The following ITGB6 variants were observed in gnomAD, a reference collection of about 807,000 sequenced individuals.
ITGB6 encodes the protein integrin beta-6.
A neutral mutation model predicts 84.5 loss-of-function variants in ITGB6; 80 were observed. That is an observed-to-expected ratio of 0.95 (90% confidence interval 0.79 to 1.14). The LOEUF is 1.14. Among genes scored for constraint, ITGB6 ranks in the 50% most tolerant of loss-of-function variants. The pLI, the probability that ITGB6 is intolerant of heterozygous loss-of-function variation, is 0.00. For missense variants in ITGB6, 1,006 were observed against 968.0 expected, an observed-to-expected ratio of 1.04 and a Z score of -0.52; for synonymous variants, 383 against 354.9, an observed-to-expected ratio of 1.08 and a Z score of -0.89.
chr2:160,107,620 A>G lies in ITGB6; in HGVS notation c.2268+59T>C, dbSNP rs557490065. The G allele has an allele frequency of 5.3e-6, 8 of 1,514,998 alleles. No homozygotes were observed. The African/African-American group carries it at 8.2e-5, about 16-fold the overall frequency. 93.8% of individuals were successfully genotyped at this position (1,514,998 alleles called of 1,614,324 possible). On this transcript the variant is annotated intron_variant, in intron 14 of 14. Coordinates refer to ENST00000283249, the MANE Select transcript of ITGB6 (RefSeq NM_000888.5). ...GAGCAGAAGAAAGCTGAGCCCCTCA[A>G]TCTCTTCCACCAGCCTCTTTCTCCC...
chr2:160,116,687 C>A lies in ITGB6; in HGVS notation c.1982-4488G>T, dbSNP rs1682786341. 2.0e-5 allele frequency among the ~76,000 whole-genome samples: 3 copies of A among 152,294 alleles called. No homozygotes were observed. In the South Asian group the frequency reaches 6.2e-4, roughly 32 times the overall value. ...AATATTAACTTTAAATGTAAATGGG[C>A]TAAATGCTCCAATTAAAAGACACAG... is the stretch of plus-strand genomic sequence containing the variant. On this transcript the variant is annotated intron_variant, in intron 12 of 14. Coordinates refer to ENST00000283249, the MANE Select transcript of ITGB6 (RefSeq NM_000888.5).
rs1286063802 is a variant in ITGB6, at chr2:160,169,282, A to C, written c.947T>G (p.Ile316Ser). The C allele has an allele frequency of 6.3e-7, 1 of 1,599,420 alleles. No individual in the cohort carries two copies. The highest frequency in any genetic ancestry group is 1.7e-5 in the Admixed American group (1 of 58,214). ...VLEYPTIGQLIDKLVQNNVLL... is the reference protein window; with the variant it reads ...VLEYPTIGQLSDKLVQNNVLL... ...CACGTTGTTTTGTACCAGTTTATCA[A>C]TGAGTTGTCCAATTGTTGGATATTC... Residue 316 changes from isoleucine to serine, a missense_variant, in exon 7 of 15, where the codon ATT becomes AGT. Transcript: ENST00000283249.
At chr2:160,102,086 A>C (rs1404999038) in intron 14 of ITGB6, among the ~76,000 whole-genome samples, 2 of 152,292 alleles carry the variant, frequency 1.3e-5, no homozygotes, top group East Asian at 3.9e-4. Flanking sequence ...AAATTTACGG[A>C]TAGAAAACAA....
intron 7 of ITGB6, among the ~76,000 whole-genome samples, chr2:160,153,636 T>A (rs1388190593): frequency 6.6e-6 from 1 of 151,932 alleles, no homozygotes; most frequent in Non-Finnish European, 1.5e-5. Context: ...GAAACTACCA[T>A]CAGAGTGAAC....
chr2:160,107,563 G>T, intron 14 of ITGB6, 116 bp downstream of exon 14: 3 of 909,494 alleles, frequency 3.3e-6, no homozygotes, highest in South Asian at 1.6e-5. Flanking sequence ...TGGCGAGAGT[G>T]GGAGAGAAAA....
rs769828561 is a variant in ITGB6, at chr2:160,101,724, C to G, written c.*12G>C. 1 of 1,377,534 alleles carries G rather than the reference C, an allele frequency of 7.3e-7. No homozygotes were observed. The highest frequency in any genetic ancestry group is 1.2e-5 in the South Asian group (1 of 84,474). The allele number at this position is 1,377,534 out of a possible 1,614,324, so 85.3% of individuals were successfully genotyped here. ...ATCAGTGAAACAGACTTTTTTCATG[C>G]ATAAAGTAGTTCTAGCAATCTGTGG... On this transcript the variant is annotated 3_prime_UTR_variant, in exon 15 of 15. Coordinates refer to ENST00000283249, the MANE Select transcript of ITGB6 (RefSeq NM_000888.5).
At chr2:160,116,965 T>C (rs1207610694) in intron 12 of ITGB6, among the ~76,000 whole-genome samples, 2 of 151,746 alleles carry the variant, frequency 1.3e-5, no homozygotes, top group Non-Finnish European at 2.9e-5. Context: ...AAGAGCTAAC[T>C]ATCCTAAATA....
intron 10 of ITGB6, among the ~76,000 whole-genome samples, chr2:160,127,483 C>A (rs1485008405): frequency 2.0e-5 from 3 of 152,210 alleles, no homozygotes; most frequent in Non-Finnish European, 2.9e-5. Context: ...AGTTGTCACA[C>A]CTTTCTGAAC....
At chr2:160,199,494 T>C (rs552932135) in intron 1 of ITGB6, among the ~76,000 whole-genome samples, 5 of 152,350 alleles carry the variant, frequency 3.3e-5, no homozygotes, top group Admixed American at 6.5e-5. Flanking sequence ...AAAATTATCA[T>C]GCTCTTTTTT....
At position 160,107,777 on chromosome 2, in the gene ITGB6, C is replaced by A. The variant is rs146397669; in HGVS notation, c.2170G>T (p.Val724Phe). 1.2e-6 allele frequency: 2 copies of A among 1,613,836 alleles called. No individual in the cohort carries two copies. The highest frequency in any genetic ancestry group is 8.5e-7 in the Non-Finnish European group (1 of 1,179,884). Residue 724 changes from valine to phenylalanine, a missense_variant, in exon 14 of 15, where the codon GTT becomes TTT. Physicochemically the swap from Val to Phe is conservative, Grantham distance 50. Transcript: ENST00000283249. ...AGCTTCCAGATGCACAGTAGGACAA[C>A]CCCGATGAGAAGAATAGCCAGGGAA... ...GVSLAILLIG[V>F]VLLCIWKLLV...
rs1193598914 is a variant in ITGB6 at position 160,169,266 on chromosome 2, T to C, written c.963A>G (p.Gln321=). 1.6e-5 allele frequency: 26 copies of C among 1,603,570 alleles called. No homozygotes were observed. The highest frequency in any genetic ancestry group is 2.1e-5 in the Non-Finnish European group (25 of 1,175,954). The change falls in exon 7 of 15, where the codon CAA becomes CAG. Residue 321 remains glutamine (Q), a synonymous_variant. Coordinates refer to ENST00000283249, the MANE Select transcript of ITGB6 (RefSeq NM_000888.5). The part of the protein sequence containing the change: ...TIGQLIDKLV[Q]NNVLLIFAVT... ...CAGCGAAGATCAATAACACGTTGTT[T>C]TGTACCAGTTTATCAATGAGTTGTC...
intron 8 of ITGB6, among the ~76,000 whole-genome samples, chr2:160,141,205 T>A (rs1683987237): frequency 6.6e-6 from 1 of 152,122 alleles, no homozygotes; most frequent in African/African-American, 2.4e-5. Context: ...ATTCCTATCC[T>A]AATTTAGGGC....
At position 160,189,374 on chromosome 2, in the gene ITGB6, A is replaced by G. The variant is rs900787879; in HGVS notation, c.593+5995T>C. 3.1e-4 allele frequency among the ~76,000 whole-genome samples: 47 copies of G among 152,126 alleles called. 1 individual carries two copies. Among genetic ancestry groups the G allele is most frequent in the Non-Finnish European group, 1.0e-4 (7 of 68,030 alleles). On this transcript the variant is annotated intron_variant, in intron 4 of 14. Transcript: ENST00000283249. ...AAATGGGATCTAATTAAACTAAAGA[A>G]CTTCTGCACAGCAAAAGAAACCACC...
At chr2:160,119,643 A>C (rs1342122397) in intron 12 of ITGB6, among the ~76,000 whole-genome samples, 2 of 152,160 alleles carry the variant, frequency 1.3e-5, no homozygotes, top group Non-Finnish European at 2.9e-5. Flanking sequence ...AAGCAATGGC[A>C]ACAAAAGTCA....
intron 12 of ITGB6, among the ~76,000 whole-genome samples, chr2:160,122,232 G>T (rs1413283264): frequency 1.3e-5 from 2 of 151,996 alleles, no homozygotes; most frequent in African/African-American, 2.4e-5. Context: ...TACACAAAAA[G>T]AATAATGTAA....
At chr2:160,120,916 TG>T (rs1438401429) in intron 12 of ITGB6, among the ~76,000 whole-genome samples, 20 of 76,010 alleles carry the variant, frequency 2.6e-4, no homozygotes, top group African/African-American at 1.0e-3. Context: ...CGTTGTGGGA[TG>T]GGGGAGGGGG....
intron 12 of ITGB6, among the ~76,000 whole-genome samples, chr2:160,116,731 G>T (rs548954273): frequency 7.9e-5 from 12 of 152,278 alleles, no homozygotes; most frequent in African/African-American, 2.9e-4. Flanking sequence ...ATTGGATGAA[G>T]ACTCAAGACC....
intron 7 of ITGB6, among the ~76,000 whole-genome samples, chr2:160,153,197 G>C (rs970708789): frequency 6.6e-6 from 1 of 152,186 alleles, no homozygotes; most frequent in African/African-American, 2.4e-5. Context: ...ATGCTACAAG[G>C]CTACAGTAAC....
chr2:160,150,825 C>T (rs1160774504), intron 7 of ITGB6, among the ~76,000 whole-genome samples: 2 of 151,884 alleles, frequency 1.3e-5, no homozygotes, highest in South Asian at 4.2e-4. Context: ...ATAAAACAGA[C>T]TTTAAACCAA....
Sources: gnomAD v4.1 joint callset for allele counts (sites outside exome capture counted in the v4.1 genomes callset) on GRCh38, gnomAD v4.1.1 for gene constraint, MANE v1.5 for transcripts, NCBI Gene and HGNC (gene_info 2026-07-23, HGNC 2026-07-21) for gene names.